DLG2: variants seen among roughly 807,000 people sequenced by gnomAD.
DLG2 encodes disks large homolog 2.
A neutral mutation model predicts 132.5 loss-of-function variants in DLG2; 45 were observed. The observed-to-expected ratio is 0.34, with a 90% confidence interval of 0.27 to 0.44. DLG2 has a LOEUF of 0.44. Ranked by LOEUF, DLG2 falls within the 20% of genes least tolerant of loss-of-function variation. DLG2 has a pLI of 1.00. For synonymous variants in DLG2, 424 were observed against 419.6 expected, an observed-to-expected ratio of 1.01 and a Z score of -0.13; for missense variants, 1,045 against 1,196.9, an observed-to-expected ratio of 0.87 and a Z score of 1.87.
intron 7 of DLG2, among the ~76,000 whole-genome samples, chr11:84,372,293 A>G (rs914994870): frequency 6.6e-6 from 1 of 152,174 alleles, no homozygotes; most frequent in African/African-American, 2.4e-5. Context: ...TTATTTCACA[A>G]AATAATTATG....
At chr11:84,461,284 G>A (rs556368800) in intron 7 of DLG2, among the ~76,000 whole-genome samples, 3 of 150,690 alleles carry the variant, frequency 2.0e-5, no homozygotes, top group Non-Finnish European at 4.5e-5. Context: ...GAAAATGGAG[G>A]CTTAGAATTT....
intron 6 of DLG2, among the ~76,000 whole-genome samples, chr11:84,547,146 A>G (rs894599957): frequency 1.1e-4 from 16 of 152,312 alleles, no homozygotes; most frequent in African/African-American, 3.4e-4. Flanking sequence ...GGCACTTAGA[A>G]GAGTGAGTGT....
chr11:84,262,729 T>C (rs536912920), intron 7 of DLG2, among the ~76,000 whole-genome samples: 1 of 152,246 alleles, frequency 6.6e-6, no homozygotes, highest in African/African-American at 2.4e-5. Context: ...TTCTTAGGCC[T>C]TTGCATCCTC....
rs1324233238 is a variant in DLG2 at position 83,620,849 on chromosome 11, G to C, written c.1940+12362C>G. On this transcript the variant is annotated intron_variant, in intron 19 of 27. Coordinates refer to ENST00000376104, the MANE Select transcript of DLG2 (RefSeq NM_001142699.3). ...CCCGCCACTGCACTCCAGCCTGGGC[G>C]ACAGAGCGAGACTCCGTCTCAAAAA... 1.9e-5 allele frequency among the ~76,000 whole-genome samples: 2 copies of C among 105,808 alleles called. 1 individual carries two copies. The highest frequency in any genetic ancestry group is 8.0e-5 in the African/African-American group (2 of 24,880). The allele number at this position is 105,808 out of a possible 152,430, so 69.4% of individuals were successfully genotyped here.
chr11:85,171,082 A>G (rs1406592834), intron 4 of DLG2, among the ~76,000 whole-genome samples: 6 of 152,208 alleles, frequency 3.9e-5, no homozygotes, highest in African/African-American at 1.2e-4. Flanking sequence ...GATACACAAA[A>G]TATTTACCTA....
At chr11:84,196,114 T>A (rs972234052) in intron 8 of DLG2, among the ~76,000 whole-genome samples, 1 of 152,230 alleles carries the variant, frequency 6.6e-6, no homozygotes, top group Non-Finnish European at 1.5e-5. Context: ...CAGTAATTTT[T>A]AAAAAATTTA....
At chr11:84,528,548 C>T (rs896016063) in intron 7 of DLG2, among the ~76,000 whole-genome samples, 16 of 152,222 alleles carry the variant, frequency 1.1e-4, no homozygotes, top group Non-Finnish European at 2.1e-4. Context: ...AGCAATCTCA[C>T]ACTCTGTTTA....
intron 2 of DLG2, among the ~76,000 whole-genome samples, chr11:85,612,481 G>C (rs936886893): frequency 6.6e-6 from 1 of 152,198 alleles, no homozygotes; most frequent in African/African-American, 2.4e-5. Flanking sequence ...TCAAATGTGC[G>C]AGCTGTTTGC....
At chr11:84,234,091 C>T (rs1370581158) in intron 8 of DLG2, among the ~76,000 whole-genome samples, 2 of 152,152 alleles carry the variant, frequency 1.3e-5, no homozygotes, top group Non-Finnish European at 2.9e-5. Context: ...ACATGCAGCA[C>T]CTGCTCCCCT....
chr11:83,850,162 T>TGTGTGTGTGTG (rs59045992), intron 16 of DLG2, among the ~76,000 whole-genome samples: 4,942 of 115,352 alleles, frequency 0.043, 149 homozygotes, highest in South Asian at 0.072. Flanking sequence ...GTGTGTGTGT[T>TGTGTGTGTGTG]TTTTTACTTG....
chr11:84,817,569 A>G (rs1364129939), intron 6 of DLG2, among the ~76,000 whole-genome samples: 1 of 152,018 alleles, frequency 6.6e-6, no homozygotes, highest in Non-Finnish European at 1.5e-5. Flanking sequence ...GATTCTGAAT[A>G]CTAGTTGACA....
Position 83,801,158 on chromosome 11 carries a change from T to C in DLG2, c.1723-14366A>G, listed in dbSNP as rs188185397. On this transcript the variant is annotated intron_variant, in intron 17 of 27. Coordinates refer to ENST00000376104, the MANE Select transcript of DLG2 (RefSeq NM_001142699.3). The stretch of plus-strand genomic sequence containing the variant: ...CATTTCTTACCCTCCCACCTCCCCA[T>C]GCAATCCCTTAGTTCATAGCCATAT... Among the ~76,000 whole-genome samples the C allele has an allele frequency of 1.4e-3, 217 of 152,248 alleles. 1 individual carries two copies. The highest frequency in any genetic ancestry group is 5.0e-3 in the African/African-American group (206 of 41,560).
At chr11:83,770,728 C>T (rs982860425) in intron 18 of DLG2, among the ~76,000 whole-genome samples, 2 of 151,976 alleles carry the variant, frequency 1.3e-5, no homozygotes, top group Non-Finnish European at 2.9e-5. Context: ...CTCAGGCTTT[C>T]TGTAAAATTT....
intron 6 of DLG2, among the ~76,000 whole-genome samples, chr11:84,921,077 T>A (rs1436865294): frequency 1.3e-5 from 2 of 150,698 alleles, no homozygotes; most frequent in African/African-American, 4.9e-5. Context: ...AAGCAAACAC[T>A]TTTAAAATGT....
chr11:83,824,376 C>A (rs895994527), intron 17 of DLG2, among the ~76,000 whole-genome samples: 11 of 152,030 alleles, frequency 7.2e-5, no homozygotes, highest in Non-Finnish European at 1.6e-4. Flanking sequence ...CTTCATGAGG[C>A]TACATGTTCA....
intron 18 of DLG2, among the ~76,000 whole-genome samples, chr11:83,743,396 T>G (rs1468420478): frequency 1.3e-5 from 2 of 149,810 alleles, no homozygotes; most frequent in African/African-American, 2.5e-5. Context: ...TTCTCTCTCT[T>G]TCACTTACAA....
intron 19 of DLG2, chr11:83,632,755 G>A (rs1402456829): frequency 2.0e-5 from 3 of 153,486 alleles, no homozygotes; most frequent in Non-Finnish European, 2.9e-5. Context: ...TTAGAGAAAA[G>A]CACATAACTC....
intron 3 of DLG2, among the ~76,000 whole-genome samples, chr11:85,571,560 A>G (rs1479619156): frequency 6.6e-6 from 1 of 152,186 alleles, no homozygotes; most frequent in Non-Finnish European, 1.5e-5. Context: ...AAGTCAGCCA[A>G]CAGGAACTTT....
At chr11:84,555,236 G>A (rs1265570504) in intron 6 of DLG2, among the ~76,000 whole-genome samples, 1 of 152,026 alleles carries the variant, frequency 6.6e-6, no homozygotes, top group Non-Finnish European at 1.5e-5. Context: ...GCAGTATGGA[G>A]GTTCTTCAAA....
Sources: allele counts gnomAD v4.1 joint callset (sites outside exome capture counted in the v4.1 genomes callset), GRCh38; gene constraint gnomAD v4.1.1; transcripts MANE v1.5; gene names NCBI Gene and HGNC (gene_info 2026-07-23, HGNC 2026-07-21).